Variants in LYSET observed in about 807,000 individuals in gnomAD.
LYSET encodes the protein lysosomal enzyme trafficking factor.
chr14:93,186,530 C>T, the LYSET span: 7 of 1,614,074 alleles, frequency 4.3e-6, no homozygotes, highest in African/African-American at 6.7e-5. Flanking sequence ...TGTTTTTGTT[C>T]CTATACTCTT....
chr14:93,186,652 T>A, the LYSET span: 1 of 1,599,128 alleles, frequency 6.3e-7, no homozygotes, highest in South Asian at 1.1e-5. Flanking sequence ...ATCAGCAGAC[T>A]ACAACTGATT....
At chr14:93,186,800 AT>A in the LYSET span, 2 of 971,238 alleles carry the variant, frequency 2.1e-6, no homozygotes, top group Non-Finnish European at 3.0e-6. Context: ...AAAACATGTG[AT>A]TAGGGAGCTA....
the LYSET span, chr14:93,187,010 A>G: frequency 8.1e-6 from 2 of 247,752 alleles, no homozygotes; most frequent in Admixed American, 1.1e-4. Context: ...TTTGGGGAAA[A>G]AAATGAATAT....
the LYSET span, chr14:93,185,379 A>G: frequency 1.2e-6 from 2 of 1,609,284 alleles, no homozygotes; most frequent in Admixed American, 3.3e-5. Context: ...GACCCAGGGG[A>G]TTTATTTTAT....
the LYSET span, among the ~76,000 whole-genome samples, chr14:93,185,929 C>T: frequency 1.3e-5 from 2 of 148,204 alleles, no homozygotes; most frequent in African/African-American, 5.0e-5. Context: ...AGTGCAGTGG[C>T]GTGATCTCGG....
chr14:93,186,655 A>G, the LYSET span: 16 of 1,598,798 alleles, frequency 1.0e-5, no homozygotes, highest in Non-Finnish European at 1.4e-5. Flanking sequence ...AGCAGACTAC[A>G]ACTGATTGAC....
chr14:93,185,612 C>G, the LYSET span: 1 of 773,032 alleles, frequency 1.3e-6, no homozygotes, highest in East Asian at 2.6e-5. Context: ...CTGTGAGAAA[C>G]TAGTTTAATT....
chr14:93,186,657 C>CCTG, the LYSET span: 1 of 1,595,686 alleles, frequency 6.3e-7, no homozygotes, highest in Non-Finnish European at 8.5e-7. Context: ...CAGACTACAA[C>CCTG]TGATTGACAC....
At chr14:93,187,508 A>AT in the LYSET span, among the ~76,000 whole-genome samples, 1 of 152,198 alleles carries the variant, frequency 6.6e-6, no homozygotes, top group Non-Finnish European at 1.5e-5. Flanking sequence ...AATGCTACTG[A>AT]TTTAGAAAAC....
chr14:93,186,856 G>C, the LYSET span: 10 of 561,434 alleles, frequency 1.8e-5, no homozygotes, highest in Middle Eastern at 1.9e-3. Flanking sequence ...ACCTGAGATA[G>C]AGTACTACAA....
the LYSET span, chr14:93,185,101 G>A: frequency 6.7e-6 from 1 of 150,120 alleles, no homozygotes; most frequent in Non-Finnish European, 1.5e-5. Flanking sequence ...TGGGCTCGCG[G>A]CGCTGCAAGG....
chr14:93,185,209 A>G, the LYSET span: 11 of 309,646 alleles, frequency 3.6e-5, no homozygotes, highest in Non-Finnish European at 5.9e-5. Context: ...CGGAGGCCCA[A>G]GTGGCGGGGA....
the LYSET span, chr14:93,185,342 C>T: frequency 6.6e-7 from 1 of 1,512,586 alleles, no homozygotes; most frequent in African/African-American, 1.4e-5. Flanking sequence ...TCCAGGCTGG[C>T]GGCGCTCACC....
At chr14:93,188,060 G>A in the LYSET span, among the ~76,000 whole-genome samples, 2 of 151,768 alleles carry the variant, frequency 1.3e-5, no homozygotes, top group Non-Finnish European at 2.9e-5. Context: ...CCAGGTTCAT[G>A]CTATTCTCCT....
the LYSET span, chr14:93,186,512 C>T: frequency 9.9e-6 from 16 of 1,614,212 alleles, no homozygotes; most frequent in Admixed American, 3.3e-5. Flanking sequence ...TGGTACCTTA[C>T]TTACAGATGT....
the LYSET span, chr14:93,186,672 A>C: frequency 6.3e-7 from 1 of 1,584,678 alleles, no homozygotes; most frequent in South Asian, 1.1e-5. Flanking sequence ...TGACACGTAA[A>C]ATCAGTCACC....
At chr14:93,186,722 G>A in the LYSET span, 1 of 1,519,452 alleles carries the variant, frequency 6.6e-7, no homozygotes, top group Non-Finnish European at 8.8e-7. Flanking sequence ...GTCCTATATG[G>A]AGTCTGATCA....
the LYSET span, chr14:93,186,709 C>T: frequency 3.2e-6 from 5 of 1,553,884 alleles, no homozygotes; most frequent in Non-Finnish European, 4.3e-6. Flanking sequence ...TACAAAACTG[C>T]CAGTCCTATA....
chr14:93,187,612 GTTAT>G, the LYSET span, among the ~76,000 whole-genome samples: 1 of 151,974 alleles, frequency 6.6e-6, no homozygotes, highest in Non-Finnish European at 1.5e-5. Context: ...AATCTAGCAG[GTTAT>G]TTATTATTTA....
Sources: gnomAD v4.1 joint callset for allele counts (sites outside exome capture counted in the v4.1 genomes callset) on GRCh38, gnomAD v4.1.1 for gene constraint, MANE v1.5 for transcripts, NCBI Gene and HGNC (gene_info 2026-07-23, HGNC 2026-07-21) for gene names.